Variants in AP1AR observed in about 807,000 individuals in gnomAD.
The protein encoded by AP1AR is adaptor related protein complex 1 associated regulatory protein, also known as AP-1 complex-associated regulatory protein.
AP1AR carries 29 observed loss-of-function variants against 46.3 expected under a neutral mutation model. The observed-to-expected ratio is 0.63, with a 90% confidence interval of 0.47 to 0.85. The LOEUF (loss-of-function observed/expected upper bound fraction) is 0.85. AP1AR is among the 40% of genes least tolerant of loss of function. AP1AR has a pLI of 0.00. For synonymous variants in AP1AR, 122 were observed against 122.9 expected, an observed-to-expected ratio of 0.99 and a Z score of 0.05; for missense variants, 357 against 356.3, an observed-to-expected ratio of 1.00 and a Z score of -0.02.
intron 1 of AP1AR, among the ~76,000 whole-genome samples, chr4:112,238,348 A>G (rs1725341529): frequency 6.6e-6 from 1 of 152,208 alleles, no homozygotes; most frequent in Admixed American, 6.5e-5. Context: ...AAAACACCAC[A>G]TACCCAGATA....
intron 6 of AP1AR, among the ~76,000 whole-genome samples, chr4:112,264,338 T>C (rs1301292412): frequency 6.6e-6 from 1 of 152,178 alleles, no homozygotes; most frequent in Non-Finnish European, 1.5e-5. Flanking sequence ...TTTAAATATT[T>C]GATGTAGGAA....
chr4:112,232,119 T>A lies in AP1AR; in HGVS notation c.28T>A (p.Phe10Ile), dbSNP rs543058773. The change falls in exon 1 of 10, where the codon TTC becomes ATC. Residue 10 changes from phenylalanine to isoleucine, a missense_variant. Physicochemically the swap from Phe to Ile is conservative, Grantham distance 21 (BLOSUM62 0). This residue lies in a region of AP1AR where 269 missense variants were observed against 223.6 expected (regional missense o/e 1.20). Transcript: ENST00000274000. ...GGGGAACTGCTGCTGGACGCAGTGC[T>A]TCGGACTGCTTCGCAAGGAAGCGGG... MGNCCWTQC[F>I]GLLRKEAGRL... 18 of 1,300,366 alleles carry A rather than the reference T, an allele frequency of 1.4e-5. No homozygotes were observed. Among genetic ancestry groups the A allele is most frequent in the Non-Finnish European group, 1.6e-5 (16 of 1,016,098 alleles). The allele number at this position is 1,300,366 out of a possible 1,614,324, so 80.6% of individuals were successfully genotyped here. A position where few individuals can be genotyped will look rare whatever the true frequency, so the allele number is the denominator to read the frequency against.
At chr4:112,239,734 C>T (rs1018265987) in intron 1 of AP1AR, among the ~76,000 whole-genome samples, 2 of 152,240 alleles carry the variant, frequency 1.3e-5, no homozygotes, top group African/African-American at 4.8e-5. Context: ...TCTGACACTA[C>T]TTTGTTTTCC....
chr4:112,235,075 T>G (rs1725182811), intron 1 of AP1AR, among the ~76,000 whole-genome samples: 1 of 152,214 alleles, frequency 6.6e-6, no homozygotes, highest in South Asian at 2.1e-4. Context: ...TTGGAAACCC[T>G]ACTACTAATG....
At chr4:112,243,362 A>G (rs1725589469) in intron 1 of AP1AR, among the ~76,000 whole-genome samples, 1 of 152,104 alleles carries the variant, frequency 6.6e-6, no homozygotes, top group African/African-American at 2.4e-5. Context: ...CACTTCTCCC[A>G]TCATCTCTTG....
At chr4:112,239,294 A>G (rs1578402175) in intron 1 of AP1AR, among the ~76,000 whole-genome samples, 1 of 152,052 alleles carries the variant, frequency 6.6e-6, no homozygotes, top group Non-Finnish European at 1.5e-5. Context: ...TTTCTCTTAA[A>G]TATGTTTCTT....
At chr4:112,239,277 C>A (rs1190802874) in intron 1 of AP1AR, among the ~76,000 whole-genome samples, 1 of 152,154 alleles carries the variant, frequency 6.6e-6, no homozygotes, top group Non-Finnish European at 1.5e-5. Context: ...AACCCTATCT[C>A]CTATCTTTTC....
Position 112,265,787 on chromosome 4 carries a change from A to G in AP1AR, c.494A>G (p.Tyr165Cys), listed in dbSNP as rs550579652. 29 of 1,609,498 alleles carry G rather than the reference A, an allele frequency of 1.8e-5. No individual in the cohort carries two copies. The South Asian group carries it at 2.4e-4, about 13-fold the overall frequency. Residue 165 changes from tyrosine (Y) to cysteine (C), a missense_variant, in exon 8 of 10, where the codon TAT becomes TGT. Physicochemically the swap from Tyr to Cys is radical, Grantham distance 194. This residue lies in a region of AP1AR where 269 missense variants were observed against 223.6 expected (regional missense o/e 1.20). Transcript: ENST00000274000. ...ESCLRNMKSQ[Y>C]EVFRSSRLSS... ...TGTTTGAGAAATATGAAGTCACAGT[A>G]TGAAGTTTTTCGAAGTAGTAGTAAG...
At chr4:112,264,919 A>T in intron 6 of AP1AR, 90 bp from the exon 7 acceptor site, 1 of 992,496 alleles carries the variant, frequency 1.0e-6, no homozygotes, top group Non-Finnish European at 1.4e-6. Flanking sequence ...TAGAAACTAG[A>T]AAAAAATACT....
intron 3 of AP1AR, among the ~76,000 whole-genome samples, chr4:112,255,056 G>T (rs1726125852): frequency 6.6e-6 from 1 of 151,584 alleles, no homozygotes; most frequent in Non-Finnish European, 1.5e-5. Flanking sequence ...CGCCTCCCGG[G>T]TCACGCCATT....
intron 1 of AP1AR, among the ~76,000 whole-genome samples, chr4:112,242,449 A>G (rs1017389172): frequency 3.4e-5 from 3 of 89,236 alleles, no homozygotes; most frequent in African/African-American, 2.3e-4. Context: ...GTAATTTATA[A>G]AAGAAAAAAA....
chr4:112,242,999 G>A (rs1210651638), intron 1 of AP1AR, among the ~76,000 whole-genome samples: 1 of 152,116 alleles, frequency 6.6e-6, no homozygotes, highest in Non-Finnish European at 1.5e-5. Flanking sequence ...GCCTCTTTCA[G>A]CTCCTCAACT....
At position 112,272,298 on chromosome 4, in the gene AP1AR, C is replaced by A. The variant is rs571871298; in HGVS notation, c.*3889C>A. 6.6e-6 allele frequency among the ~76,000 whole-genome samples: 1 copy of A among 152,224 alleles called. No individual in the cohort carries two copies. Among genetic ancestry groups the A allele is most frequent in the Admixed American group, 6.5e-5 (1 of 15,284 alleles). ...GGGCTGGTGACAGGGAAGGGAAAAT[C>A]TAACAGGAGACATCTTGAGCTCATG... is the stretch of plus-strand genomic sequence containing the variant. On this transcript the variant is annotated 3_prime_UTR_variant, in exon 10 of 10. Coordinates refer to ENST00000274000, the MANE Select transcript of AP1AR (RefSeq NM_018569.6).
intron 1 of AP1AR, among the ~76,000 whole-genome samples, chr4:112,236,413 T>C (rs551176379): frequency 2.8e-4 from 43 of 150,968 alleles, no homozygotes; most frequent in South Asian, 1.7e-3. Context: ...TTTTTTTTTT[T>C]CCCCCAAAAA....
chr4:112,255,777 C>CAG (rs1726175179), intron 3 of AP1AR, among the ~76,000 whole-genome samples: 1 of 152,172 alleles, frequency 6.6e-6, no homozygotes, highest in African/African-American at 2.4e-5. Context: ...TTAGAATCAG[C>CAG]AAATTGTGTA....
chr4:112,268,512 A>C lies in AP1AR; in HGVS notation c.*103A>C, dbSNP rs1158285682. The C allele has an allele frequency of 9.3e-6, 11 of 1,176,996 alleles. No individual in the cohort carries two copies. Among genetic ancestry groups the C allele is most frequent in the Non-Finnish European group, 1.3e-5 (11 of 860,406 alleles). 72.9% of individuals were successfully genotyped at this position (1,176,996 alleles called of 1,614,324 possible). A position where few individuals can be genotyped will look rare whatever the true frequency, so the allele number is the denominator to read the frequency against. On this transcript the variant is annotated 3_prime_UTR_variant, in exon 10 of 10. Transcript: ENST00000274000. ...AGCCTTTTTGTAAGGGAGATGTGTAAGAAACCATGTTGTAAATGCTTATTT... is the reference window on the plus strand; with the variant it reads ...AGCCTTTTTGTAAGGGAGATGTGTACGAAACCATGTTGTAAATGCTTATTT...
chr4:112,252,323 T>G (rs1725994421), intron 1 of AP1AR, among the ~76,000 whole-genome samples: 1 of 152,248 alleles, frequency 6.6e-6, no homozygotes, highest in Non-Finnish European at 1.5e-5. Context: ...TTTCTGTCCA[T>G]GAATCCTGAT....
At chr4:112,258,544 G>C (rs1186792075) in intron 4 of AP1AR, among the ~76,000 whole-genome samples, 1 of 152,176 alleles carries the variant, frequency 6.6e-6, no homozygotes, top group Non-Finnish European at 1.5e-5. Context: ...GAGGCTGTTT[G>C]CCCAAAACAA....
chr4:112,239,753 G>A (rs921737030), intron 1 of AP1AR, among the ~76,000 whole-genome samples: 5 of 152,154 alleles, frequency 3.3e-5, no homozygotes, highest in Non-Finnish European at 4.4e-5. Flanking sequence ...CCTTCATGGC[G>A]CTTACCACTC....
Sources: allele counts gnomAD v4.1 joint callset (sites outside exome capture counted in the v4.1 genomes callset), GRCh38; gene constraint gnomAD v4.1.1; regional missense constraint gnomAD v4.1.1; transcripts MANE v1.5; gene names NCBI Gene and HGNC (gene_info 2026-07-23, HGNC 2026-07-21).